SMARCA4: variants seen among roughly 807,000 people sequenced by gnomAD.
SMARCA4 encodes SWI/SNF-related matrix-associated actin-dependent regulator of chromatin subfamily A member 4.
A neutral mutation model predicts 193.9 loss-of-function variants in SMARCA4; 31 were observed. The ratio of observed to expected loss-of-function variants is 0.16; its 90% confidence interval spans 0.12 to 0.22. The LOEUF (loss-of-function observed/expected upper bound fraction) is 0.22. Ranked by LOEUF, SMARCA4 falls within the 10% of genes least tolerant of loss-of-function variation. The pLI, the probability that SMARCA4 is intolerant of heterozygous loss-of-function variation, is 1.00. For missense variants in SMARCA4, 1,148 were observed against 2,296.0 expected, an observed-to-expected ratio of 0.50 and a Z score of 10.22; for synonymous variants, 942 against 933.1, an observed-to-expected ratio of 1.01 and a Z score of -0.17.
At chr19:11,037,085 C>T (rs1251687604) in intron 29 of SMARCA4, among the ~76,000 whole-genome samples, 3 of 152,354 alleles carry the variant, frequency 2.0e-5, no homozygotes, top group African/African-American at 7.2e-5. Context: ...ACAATACTAC[C>T]GTGAACATTC....
intron 16 of SMARCA4, among the ~76,000 whole-genome samples, chr19:11,018,533 G>A (rs1032902291): frequency 6.6e-6 from 1 of 152,138 alleles, no homozygotes; most frequent in African/African-American, 2.4e-5. Flanking sequence ...GCTGGAGGGT[G>A]GCAGAAAGAC....
At chr19:10,983,290 A>G (rs2085714128) in intron 1 of SMARCA4, among the ~76,000 whole-genome samples, 1 of 152,182 alleles carries the variant, frequency 6.6e-6, no homozygotes, top group Non-Finnish European at 1.5e-5. Context: ...AAGTGCCATT[A>G]TTTGTGTAAT....
intron 23 of SMARCA4, among the ~76,000 whole-genome samples, 160 bp downstream of exon 23, chr19:11,026,506 T>TC (rs1391919758): frequency 2.6e-5 from 4 of 151,334 alleles, no homozygotes; most frequent in Non-Finnish European, 4.4e-5. Context: ...TCTTTTTTTT[T>TC]TTTTTTTTTT....
At position 11,023,411 on chromosome 19, in the gene SMARCA4, C is replaced by G. The variant is rs1022574263; in HGVS notation, c.2860-107C>G. On this transcript the variant is annotated intron_variant, in intron 19 of 34. Transcript: ENST00000344626. ...AGCCACGTGCCAAGGGCAAGATCACCCCAGGGGACCCCGTCCACCCTGTCC... is the reference window on the plus strand; with the variant it reads ...AGCCACGTGCCAAGGGCAAGATCACGCCAGGGGACCCCGTCCACCCTGTCC... 76 of 759,644 alleles carry G rather than the reference C, an allele frequency of 1.0e-4. No individual in the cohort carries two copies. In the South Asian group the frequency reaches 1.1e-3, roughly 11 times the overall value. The allele number at this position is 759,644 out of a possible 1,614,324, so 47.1% of individuals were successfully genotyped here. A position where few individuals can be genotyped will look rare whatever the true frequency, so the allele number is the denominator to read the frequency against.
In SMARCA4 at chr19:10,991,291, G is replaced by A. The variant is rs779161503; in HGVS notation, c.1387G>A (p.Glu463Lys). ...GAAGCTGGAGAAGCAGCAGAAGATC[G>A]AGCAGGAGCGCAAGCGCCGGCAGAA... Reference protein sequence around the residue: ...TEKLEKQQKIEQERKRRQKHQ... With the variant: ...TEKLEKQQKIKQERKRRQKHQ... The change falls in exon 8 of 35, where the codon GAG becomes AAG. Residue 463 changes from glutamate (E) to lysine (K), a missense_variant. Around this residue, in one of 17 missense-constraint regions of SMARCA4, gnomAD observed 69 missense variants for 186.9 expected, o/e 0.37. Transcript: ENST00000344626. The A allele has an allele frequency of 2.5e-6, 4 of 1,609,036 alleles. No individual in the cohort carries two copies. The highest frequency in any genetic ancestry group is 1.7e-5 in the Admixed American group (1 of 59,108).
In SMARCA4 at chr19:11,039,580, C is replaced by T. The variant is rs755829839; in HGVS notation, c.4171-1727C>T. ...TGGGGAGAGTTCTGGTGGTGGGTGG[C>T]GCTGAGGGCTGCACAACACTGGGGA... On this transcript the variant is annotated intron_variant, in intron 29 of 34. Transcript: ENST00000344626. 40 of 1,431,262 alleles carry T rather than the reference C, an allele frequency of 2.8e-5. 2 individuals are homozygous for T. Among genetic ancestry groups the T allele is most frequent in the South Asian group, 1.3e-4 (10 of 79,774 alleles). 88.7% of individuals were successfully genotyped at this position (1,431,262 alleles called of 1,614,324 possible).
intron 1 of SMARCA4, among the ~76,000 whole-genome samples, chr19:10,966,718 T>G (rs1438607115): frequency 6.6e-6 from 1 of 152,116 alleles, no homozygotes; most frequent in African/African-American, 2.4e-5. Context: ...AAACCCCGTC[T>G]CTACGAAAAT....
At chr19:10,979,605 G>A (rs1278072070) in intron 1 of SMARCA4, among the ~76,000 whole-genome samples, 3 of 151,254 alleles carry the variant, frequency 2.0e-5, no homozygotes, top group Non-Finnish European at 2.9e-5. Flanking sequence ...GGACTCAAGC[G>A]ATCCTTCTGC....
At chr19:10,977,214 G>A (rs75436198) in intron 1 of SMARCA4, among the ~76,000 whole-genome samples, 1,885 of 152,282 alleles carry the variant, frequency 0.012, 37 homozygotes, top group African/African-American at 0.043. Context: ...TACCTGATGC[G>A]CGCCCAAGAG....
At chr19:11,029,763 G>A (rs992322869) in intron 24 of SMARCA4, among the ~76,000 whole-genome samples, 10 of 152,040 alleles carry the variant, frequency 6.6e-5, no homozygotes, top group African/African-American at 2.2e-4. Flanking sequence ...AACCTCCGCC[G>A]CCTGGATTCA....
chr19:10,976,175 T>C (rs1047888869), intron 1 of SMARCA4, among the ~76,000 whole-genome samples: 20 of 152,286 alleles, frequency 1.3e-4, no homozygotes, highest in African/African-American at 4.8e-4. Context: ...CTTCGTTTCC[T>C]GTATAGAAGG....
At chr19:11,050,358 A>C (rs115102756) in intron 30 of SMARCA4, among the ~76,000 whole-genome samples, 1 of 152,158 alleles carries the variant, frequency 6.6e-6, no homozygotes, top group Non-Finnish European at 1.5e-5. Flanking sequence ...TGTAGGAGGG[A>C]CCTGAATGCA....
chr19:11,023,101 C>T (rs370454674), intron 19 of SMARCA4, among the ~76,000 whole-genome samples: 24 of 152,190 alleles, frequency 1.6e-4, no homozygotes, highest in African/African-American at 5.5e-4. Context: ...CAGAGCCCTC[C>T]CTGAGAATCA....
intron 1 of SMARCA4, among the ~76,000 whole-genome samples, chr19:10,968,393 C>T (rs534539575): frequency 3.3e-4 from 51 of 152,284 alleles, no homozygotes; most frequent in Middle Eastern, 3.4e-3. Context: ...GGACACTTGT[C>T]ACTGTGAACC....
intron 1 of SMARCA4, among the ~76,000 whole-genome samples, chr19:10,976,337 C>T (rs941296234): frequency 6.6e-6 from 1 of 152,184 alleles, no homozygotes; most frequent in African/African-American, 2.4e-5. Context: ...CCAGCTTCTA[C>T]AGGGCTGGCC....
chr19:11,060,129 G>A lies in SMARCA4; in HGVS notation c.4853G>A (p.Arg1618Gln), dbSNP rs1029465394. ...RLKGGRRRPS[R>Q]GSRAKPVVSD... ...AAGGGCGGCCGGCGGCGGCCGAGCC[G>A]AGGGTCCCGAGCCAAGCCGGTCGTG... The change falls in exon 34 of 35, where the codon CGA (arginine) becomes CAA (glutamine). Residue 1618 changes from arginine to glutamine, a missense_variant. Around this residue, in one of 17 missense-constraint regions of SMARCA4, gnomAD observed 105 missense variants for 133.7 expected, o/e 0.79. Transcript: ENST00000344626. The A allele has an allele frequency of 3.9e-6, 6 of 1,551,036 alleles. No homozygotes were observed. Among genetic ancestry groups the A allele is most frequent in the East Asian group, 2.4e-5 (1 of 40,914 alleles).
At position 11,033,011 on chromosome 19, in the gene SMARCA4, C is replaced by T. The variant is rs79916515; in HGVS notation, c.3547-279C>T. ...GGGAGCTGCTTGAGAATATAATCCC[C>T]TGGGGGGTTGGTGCTTTCTTCCCGA... On this transcript the variant is annotated intron_variant, in intron 25 of 34. Transcript: ENST00000344626. The surrounding 1 kb of genome is among the most constrained non-coding windows in gnomAD (Gnocchi z 9.8). 10,449 of 547,130 alleles carry T rather than the reference C, an allele frequency of 0.019. 520 individuals carry two copies. Among genetic ancestry groups the T allele is most frequent in the African/African-American group, 0.12 (6,406 of 53,086 alleles). 33.9% of individuals were successfully genotyped at this position (547,130 alleles called of 1,614,324 possible).
At chr19:11,049,693 G>T (rs2076151263) in intron 30 of SMARCA4, among the ~76,000 whole-genome samples, 1 of 152,172 alleles carries the variant, frequency 6.6e-6, no homozygotes, top group South Asian at 2.1e-4. Context: ...CTTGGTAAGG[G>T]CTCAGAGAAG....
chr19:11,003,489 G>C, intron 13 of SMARCA4, 92 bp downstream of exon 13: 1 of 1,224,736 alleles, frequency 8.2e-7, no homozygotes, highest in Non-Finnish European at 1.2e-6. Context: ...GCCCTGGCTG[G>C]GCATCTTGTG....
Sources: gnomAD v4.1 joint callset for allele counts (sites outside exome capture counted in the v4.1 genomes callset) on GRCh38, gnomAD v4.1.1 for gene constraint, gnomAD v4.1.1 regional missense constraint, Gnocchi (gnomAD v3.1) non-coding constraint, MANE v1.5 for transcripts, NCBI Gene and HGNC (gene_info 2026-07-23, HGNC 2026-07-21) for gene names.